The following HEATR1 variants were observed in gnomAD, a reference collection of about 807,000 sequenced individuals.
HEATR1 encodes HEAT repeat containing 1.
Under a neutral mutation model 248.2 loss-of-function variants are expected in HEATR1, and 77 were observed. The observed-to-expected ratio is 0.31, with a 90% confidence interval of 0.26 to 0.37. The LOEUF (loss-of-function observed/expected upper bound fraction) is 0.37. Ranked by LOEUF, HEATR1 falls within the 10% of genes least tolerant of loss-of-function variation. The pLI is 1.00. For synonymous variants in HEATR1, 897 were observed against 923.1 expected (o/e 0.97, Z 0.51); for missense variants, 2,420 against 2,504.9 (o/e 0.97, Z 0.72).
In HEATR1 at chr1:236,574,260, A is replaced by G; in HGVS notation, c.3401T>C (p.Leu1134Ser). Residue 1134 changes from leucine to serine, a missense_variant, in exon 24 of 45, where the codon TTA (leucine) becomes TCA (serine). Coordinates refer to ENST00000366582, the MANE Select transcript of HEATR1 (RefSeq NM_018072.6). ...ATGTGAGTTTTTACAGTTCACCAAT[A>G]AATCAAACAACATTCTTAAAAGCTT... is the stretch of plus-strand genomic sequence containing the variant. Reference protein sequence around the residue: ...QQKLLRMLFDLLVNCKNSHCA... With the variant: ...QQKLLRMLFDSLVNCKNSHCA... 6.2e-7 allele frequency: 1 copy of G among 1,613,112 alleles called. No homozygotes were observed. Among genetic ancestry groups the G allele is most frequent in the Non-Finnish European group, 8.5e-7 (1 of 1,179,516 alleles).
At chr1:236,560,519 G>A (rs1213652120) in intron 33 of HEATR1, among the ~76,000 whole-genome samples, 1 of 152,082 alleles carries the variant, frequency 6.6e-6, no homozygotes, top group African/African-American at 2.4e-5. Flanking sequence ...GACAAAATCA[G>A]CTCCAAAAAC....
chr1:236,577,022 A>C, intron 20 of HEATR1, 73 bp from the exon 21 acceptor site: 1 of 1,146,324 alleles, frequency 8.7e-7, no homozygotes, highest in Non-Finnish European at 1.2e-6. Context: ...ACATAGTACC[A>C]AAGGTACTTG....
intron 29 of HEATR1, among the ~76,000 whole-genome samples, chr1:236,567,128 C>T (rs1663293404): frequency 6.6e-6 from 1 of 152,028 alleles, no homozygotes; most frequent in Non-Finnish European, 1.5e-5. Flanking sequence ...GCTGGGACAT[C>T]CCAGGACCCC....
chr1:236,580,203 AT>A (rs748930463), intron 20 of HEATR1, among the ~76,000 whole-genome samples: 4 of 152,234 alleles, frequency 2.6e-5, no homozygotes, highest in Non-Finnish European at 5.9e-5. Context: ...GCAATTCTAC[AT>A]TATAAAAAAA....
At chr1:236,554,009 A>C (rs1662864019) in intron 42 of HEATR1, among the ~76,000 whole-genome samples, 5 of 152,196 alleles carry the variant, frequency 3.3e-5, no homozygotes. Flanking sequence ...ACGCGTTCTC[A>C]GTGAGGCCCA....
At chr1:236,553,931 C>G (rs2103122772) in intron 42 of HEATR1, among the ~76,000 whole-genome samples, 192 bp from the exon 43 acceptor site, 1 of 152,284 alleles carries the variant, frequency 6.6e-6, no homozygotes, top group Middle Eastern at 3.4e-3. Flanking sequence ...TACCCTTTAT[C>G]ATCGCCCCTT....
In HEATR1 at chr1:236,604,027, T is replaced by A; in HGVS notation, c.69A>T (p.Arg23Ser). 1 of 1,598,926 alleles carries A rather than the reference T, an allele frequency of 6.3e-7. No individual in the cohort carries two copies. Among genetic ancestry groups the A allele is most frequent in the Non-Finnish European group, 8.5e-7 (1 of 1,174,460 alleles). Residue 23 changes from arginine to serine, a missense_variant, in exon 2 of 45, where the codon AGA (arginine) becomes AGT (serine). Arg to Ser is a moderately radical substitution (Grantham distance 110). Coordinates refer to ENST00000366582, the MANE Select transcript of HEATR1 (RefSeq NM_018072.6). Reference sequence around the variant, plus strand: ...CAAATAACAAAGAAGCAACTTCATCTCTAGATAAGAGGCTGGCATCACTTT... The same window carrying A: ...CAAATAACAAAGAAGCAACTTCATCACTAGATAAGAGGCTGGCATCACTTT... The part of the protein sequence containing the change: ...LPQSDASLLS[R>S]DEVASLLFDP...
intron 24 of HEATR1, among the ~76,000 whole-genome samples, chr1:236,573,120 T>C (rs771110286): frequency 5.3e-5 from 8 of 152,214 alleles, no homozygotes; most frequent in Non-Finnish European, 1.0e-4. Flanking sequence ...ATGCACTTGC[T>C]TTCTATACAA....
intron 37 of HEATR1, among the ~76,000 whole-genome samples, chr1:236,556,689 G>A (rs763423549): frequency 1.2e-4 from 19 of 152,302 alleles, no homozygotes; most frequent in Non-Finnish European, 2.4e-4. Flanking sequence ...TCCTAACCTT[G>A]TAAATGGCAA....
chr1:236,565,910 T>C lies in HEATR1; in HGVS notation c.4435+9A>G, dbSNP rs1483636083. Reference sequence around the variant, plus strand: ...ATTGAACAGTAAGTGACACCCGATCTACGCTTACCTTCTTTTTCCTCTGGC... The same window carrying C: ...ATTGAACAGTAAGTGACACCCGATCCACGCTTACCTTCTTTTTCCTCTGGC... On this transcript the variant is annotated intron_variant, in intron 31 of 44. Transcript: ENST00000366582. 6.2e-7 allele frequency: 1 copy of C among 1,611,334 alleles called. No homozygotes were observed. The highest frequency in any genetic ancestry group is 8.5e-7 in the Non-Finnish European group (1 of 1,178,850).
chr1:236,580,269 C>T (rs936581224), intron 20 of HEATR1, among the ~76,000 whole-genome samples: 4 of 152,014 alleles, frequency 2.6e-5, no homozygotes, highest in African/African-American at 7.3e-5. Flanking sequence ...GATTTATGCC[C>T]GATAAAAGAG....
intron 11 of HEATR1, among the ~76,000 whole-genome samples, chr1:236,591,674 G>A (rs534483590): frequency 6.6e-6 from 1 of 152,132 alleles, no homozygotes; most frequent in African/African-American, 2.4e-5. Context: ...AGACCTAGAT[G>A]AAAGACAGAG....
At chr1:236,567,629 AAAC>A (rs1232563686) in intron 29 of HEATR1, among the ~76,000 whole-genome samples, 2 of 152,228 alleles carry the variant, frequency 1.3e-5, no homozygotes, top group Non-Finnish European at 2.9e-5. Flanking sequence ...GAATCACTTG[AAAC>A]CAGGAGGCAG....
intron 31 of HEATR1, 37 bp from the exon 32 acceptor site, chr1:236,564,698 T>C: frequency 6.3e-7 from 1 of 1,578,198 alleles, no homozygotes; most frequent in Non-Finnish European, 8.6e-7. Context: ...TTACTCATTT[T>C]CACCTGAATC....
rs370500707 is a variant in HEATR1 at position 236,603,133 on chromosome 1, A to G, written c.359+27T>C. ...TACAAGACCAAAGTGATTAACCCAT[A>G]GTTATTTCTGTAATTCTATTAGCTA... On this transcript the variant is annotated intron_variant, in intron 3 of 44. Transcript: ENST00000366582. 2.6e-6 allele frequency: 4 copies of G among 1,545,284 alleles called. No individual in the cohort carries two copies. In the African/African-American group the frequency reaches 4.1e-5, roughly 16 times the overall value.
chr1:236,603,253 T>C lies in HEATR1; in HGVS notation c.266A>G (p.Gln89Arg). 1 of 1,614,188 alleles carries C rather than the reference T, an allele frequency of 6.2e-7. No individual in the cohort carries two copies. The highest frequency in any genetic ancestry group is 8.5e-7 in the Non-Finnish European group (1 of 1,179,998). ...GAATAATGAAATGTTTTCATCCAACTGTTTGTTTACTGCTTTGGTCTGAAC... is the reference window on the plus strand; with the variant it reads ...GAATAATGAAATGTTTTCATCCAACCGTTTGTTTACTGCTTTGGTCTGAAC... ...RSVQTKAVNK[Q>R]LDENISLFLI... is the part of the protein sequence containing the mutation. Residue 89 changes from glutamine (Q) to arginine (R), a missense_variant, in exon 3 of 45, where the codon CAG becomes CGG. By Grantham distance (43) the Gln-to-Arg change is conservative (BLOSUM62 1). Coordinates refer to ENST00000366582, the MANE Select transcript of HEATR1 (RefSeq NM_018072.6).
chr1:236,572,576 A>T (rs543109279), intron 25 of HEATR1, 22 bp from the exon 26 acceptor site: 1 of 1,612,992 alleles, frequency 6.2e-7, no homozygotes, highest in African/African-American at 1.3e-5. Flanking sequence ...AGAAGACAAA[A>T]CGTTGGAAAA....
At position 236,552,043 on chromosome 1, in the gene HEATR1, A is replaced by G; in HGVS notation, c.6302T>C (p.Val2101Ala). Residue 2101 changes from valine to alanine, a missense_variant, in exon 44 of 45, where the codon GTC (valine) becomes GCC (alanine). Physicochemically the swap from Val to Ala is moderately conservative, Grantham distance 64. Transcript: ENST00000366582. The stretch of plus-strand genomic sequence containing the variant: ...GAAAGGAATGGATTCTGGTAGCAAG[A>G]CAATATAATTCTCCTTTAGTTTTTC... ...LAEKLKENYI[V>A]LLPESIPFLA... 2 of 1,613,736 alleles carry G rather than the reference A, an allele frequency of 1.2e-6. No homozygotes were observed. Among genetic ancestry groups the G allele is most frequent in the Non-Finnish European group, 1.7e-6 (2 of 1,179,770 alleles).
At chr1:236,581,135 A>G (rs1663726814) in intron 20 of HEATR1, 87 bp downstream of exon 20, 2 of 1,181,856 alleles carry the variant, frequency 1.7e-6, no homozygotes, top group African/African-American at 3.1e-5. Flanking sequence ...TTTTTTTTTA[A>G]GTTATAATTT....
Sources: allele counts gnomAD v4.1 joint callset (sites outside exome capture counted in the v4.1 genomes callset), GRCh38; gene constraint gnomAD v4.1.1; transcripts MANE v1.5; gene names NCBI Gene and HGNC (gene_info 2026-07-23, HGNC 2026-07-21).